Variants in ROS1 observed in about 807,000 individuals in gnomAD.
ROS1 encodes proto-oncogene tyrosine-protein kinase ROS.
ROS1 carries 263 observed loss-of-function variants against 273.5 expected under a neutral mutation model. The ratio of observed to expected loss-of-function variants is 0.96; its 90% CI spans 0.87 to 1.06. The LOEUF (loss-of-function observed/expected upper bound fraction) is 1.06. ROS1 is among the 50% of genes least tolerant of loss of function. The probability of loss-of-function intolerance (pLI) is 0.00; values close to 1 mark genes in which losing one functional copy is unlikely to be tolerated. For synonymous variants in ROS1, 1,008 were observed against 954.1 expected (o/e 1.06, Z -1.04); for missense variants, 2,833 against 2,751.1 (o/e 1.03, Z -0.67).
chr6:117,365,436 G>A, intron 20 of ROS1, 145 bp downstream of exon 20: 2 of 783,720 alleles, frequency 2.6e-6, no homozygotes, highest in South Asian at 3.5e-5. Flanking sequence ...GTCTTCTGGG[G>A]AATAATCTTA....
At chr6:117,298,921 A>G (rs1003923246) in intron 43 of ROS1, among the ~76,000 whole-genome samples, 3 of 152,202 alleles carry the variant, frequency 2.0e-5, no homozygotes, top group African/African-American at 7.2e-5. Context: ...TGCTTAGAAA[A>G]TGACAAGGCC....
intron 34 of ROS1, 86 bp from the exon 35 acceptor site, chr6:117,324,501 G>A (rs1776501281): frequency 3.1e-6 from 2 of 635,358 alleles, no homozygotes; most frequent in South Asian, 2.1e-5. Flanking sequence ...GAGTAATATA[G>A]CAGAGCTAGC....
chr6:117,287,933 A>AT lies in ROS1; in HGVS notation c.*558_*559insA, dbSNP rs1562237486. Among the ~76,000 whole-genome samples, 1 of 142,968 alleles carries AT rather than the reference A, an allele frequency of 7.0e-6. No individual in the cohort carries two copies. The highest frequency in any genetic ancestry group is 1.5e-5 in the Non-Finnish European group (1 of 65,628). The allele number at this position is 142,968 out of a possible 152,430, so 93.8% of individuals were successfully genotyped here. A position where few individuals can be genotyped will look rare whatever the true frequency, so the allele number is the denominator to read the frequency against. ...ACTTCGTCTCAAAAAAAAAAAAAAA[A>AT]AATTAAAAAAAGATAATATATATAT... On this transcript the variant is annotated 3_prime_UTR_variant, in exon 44 of 44. Coordinates refer to ENST00000368507, the MANE Select transcript of ROS1 (RefSeq NM_001378902.1).
chr6:117,393,464 C>G, intron 11 of ROS1, 143 bp from the exon 12 acceptor site: 1 of 604,682 alleles, frequency 1.7e-6, no homozygotes, highest in South Asian at 2.3e-5. Context: ...CAAAAAAAAG[C>G]CCTTAAACGA....
intron 13 of ROS1, 29 bp downstream of exon 13, chr6:117,389,321 A>G: frequency 1.3e-6 from 2 of 1,575,942 alleles, no homozygotes; most frequent in East Asian, 2.2e-5. Flanking sequence ...CAGCAAGGCC[A>G]GTAACCACAC....
At chr6:117,361,811 C>A (rs1448258590) in intron 22 of ROS1, among the ~76,000 whole-genome samples, 1 of 151,724 alleles carries the variant, frequency 6.6e-6, no homozygotes, top group Admixed American at 6.6e-5. Context: ...TTATTTTCCC[C>A]AAAAAGAAAT....
rs1390433997 is a variant in ROS1 at position 117,365,094 on chromosome 6, G to A, written c.3069C>T (p.Pro1023=). The change falls in exon 21 of 44, where the codon CCC becomes CCT. Residue 1023 remains proline, a synonymous_variant. Transcript: ENST00000368507. ...VTPYTYWGKG[P]KTSLSLRAPE... ...GTGCTCGAAGTGACAGAGATGTTTTGGGGCCCTTTCCCCAGTAGGTATAAG... is the reference window on the plus strand; with the variant it reads ...GTGCTCGAAGTGACAGAGATGTTTTAGGGCCCTTTCCCCAGTAGGTATAAG... The A allele has an allele frequency of 2.0e-5, 33 of 1,613,814 alleles. No individual in the cohort carries two copies. The highest frequency in any genetic ancestry group is 2.6e-5 in the Non-Finnish European group (31 of 1,179,828).
intron 18 of ROS1, among the ~76,000 whole-genome samples, chr6:117,371,575 A>G (rs1780773743): frequency 6.6e-6 from 1 of 152,164 alleles, no homozygotes; most frequent in Non-Finnish European, 1.5e-5. Flanking sequence ...CCTGGACAGA[A>G]CCTGGGAAAG....
chr6:117,324,119 T>C (rs1434848776), intron 35 of ROS1, among the ~76,000 whole-genome samples: 1 of 152,208 alleles, frequency 6.6e-6, no homozygotes, highest in Non-Finnish European at 1.5e-5. Context: ...GAAATGTACA[T>C]GTATATTTTC....
chr6:117,382,598 T>G (rs1582801846), intron 17 of ROS1, among the ~76,000 whole-genome samples: 1 of 152,126 alleles, frequency 6.6e-6, no homozygotes, highest in East Asian at 1.9e-4. Context: ...ATTTAGAAAC[T>G]TAGATGGATA....
intron 26 of ROS1, among the ~76,000 whole-genome samples, chr6:117,355,423 A>C (rs1390828374): frequency 6.6e-6 from 1 of 152,126 alleles, no homozygotes; most frequent in Non-Finnish European, 1.5e-5. Flanking sequence ...CAATTATAAC[A>C]CATACACACA....
rs1460594621 is a variant in ROS1 at position 117,387,817 on chromosome 6, G to C, written c.1962C>G (p.Pro654=). 6.2e-7 allele frequency: 1 copy of C among 1,614,130 alleles called. No homozygotes were observed. Among genetic ancestry groups the C allele is most frequent in the African/African-American group, 1.3e-5 (1 of 75,030 alleles). Residue 654 remains proline, a synonymous_variant, in exon 14 of 44, where the codon CCC becomes CCG. Transcript: ENST00000368507. The stretch of plus-strand genomic sequence containing the variant: ...TAGTACCCACTGAGGGCTCTGACCA[G>C]GGGCCTGGCCTCTTTGGAGAACTTG... ...VRASSPKRPG[P]WSEPSVGTTL...
chr6:117,380,455 G>T (rs1318318129), intron 17 of ROS1, among the ~76,000 whole-genome samples: 1 of 151,786 alleles, frequency 6.6e-6, no homozygotes, highest in Non-Finnish European at 1.5e-5. Flanking sequence ...AGCCTTTTAG[G>T]AGTTGAATCA....
intron 31 of ROS1, among the ~76,000 whole-genome samples, chr6:117,340,884 A>C (rs949326363): frequency 2.0e-5 from 3 of 152,120 alleles, no homozygotes; most frequent in African/African-American, 7.2e-5. Context: ...ACTAAGTAAA[A>C]TATTATAAAA....
intron 2 of ROS1, 68 bp downstream of exon 2, chr6:117,418,394 C>G: frequency 1.8e-6 from 2 of 1,091,526 alleles, no homozygotes; most frequent in Non-Finnish European, 2.7e-6. Context: ...GTGATAAAAT[C>G]TGATCATTGT....
intron 5 of ROS1, among the ~76,000 whole-genome samples, chr6:117,407,359 C>A (rs886322441): frequency 1.4e-4 from 21 of 152,156 alleles, no homozygotes; most frequent in African/African-American, 5.1e-4. Flanking sequence ...AAAGCGCTGG[C>A]CTGTTAGAAA....
chr6:117,412,053 C>T (rs935687818), intron 4 of ROS1, among the ~76,000 whole-genome samples: 7 of 151,888 alleles, frequency 4.6e-5, no homozygotes, highest in Non-Finnish European at 8.8e-5. Flanking sequence ...AGCAACAGCA[C>T]GATGAAAACT....
rs893171935 is a variant in ROS1 at position 117,337,058 on chromosome 6, A to T, written c.5230+114T>A. The T allele has an allele frequency of 3.6e-6, 3 of 831,650 alleles. No homozygotes were observed. In the African/African-American group the frequency reaches 5.4e-5, roughly 15 times the overall value. 51.5% of individuals were successfully genotyped at this position (831,650 alleles called of 1,614,324 possible). ...TTTCTTCATTCAAGTTCTAGAAATA[A>T]TAATGTACTGCTTTTAAAGAACAAT... On this transcript the variant is annotated intron_variant, in intron 32 of 43. Transcript: ENST00000368507.
intron 27 of ROS1, among the ~76,000 whole-genome samples, chr6:117,352,099 T>C (rs917314905): frequency 4.6e-5 from 7 of 152,180 alleles, no homozygotes; most frequent in Non-Finnish European, 7.4e-5. Flanking sequence ...GTTTTTGTTT[T>C]CAGACGAGTC....
Sources: allele counts gnomAD v4.1 joint callset (sites outside exome capture counted in the v4.1 genomes callset), GRCh38; gene constraint gnomAD v4.1.1; transcripts MANE v1.5; gene names NCBI Gene and HGNC (gene_info 2026-07-23, HGNC 2026-07-21).